CFL2: variants seen among roughly 807,000 people sequenced by gnomAD.
The protein encoded by CFL2 is cofilin-2.
In CFL2, 10 loss-of-function variants were observed where a neutral mutation model predicts 19.6. The observed-to-expected ratio is 0.51, with a 90% CI of 0.31 to 0.86. The LOEUF is 0.86. Among genes scored for constraint, CFL2 ranks in the 40% least tolerant of loss-of-function variants. The pLI is 0.04. For missense variants in CFL2, 125 were observed against 192.1 expected (o/e 0.65, Z 2.06); for synonymous variants, 63 against 66.7 (o/e 0.95, Z 0.27).
In CFL2 at chr14:34,710,368, T is replaced by C. The variant is rs773581827; in HGVS notation, c.*2497A>G. 2 of 246,612 alleles carry C rather than the reference T, an allele frequency of 8.1e-6. No individual in the cohort carries two copies. The highest frequency in any genetic ancestry group is 4.7e-5 in the African/African-American group (2 of 42,784). The allele number at this position is 246,612 out of a possible 1,614,324, so 15.3% of individuals were successfully genotyped here. Reference sequence around the variant, plus strand: ...CTGAAAAACAGAATAAAGATAATGATGCCTCTTTGATCTGAAATACCAGTT... The same window carrying C: ...CTGAAAAACAGAATAAAGATAATGACGCCTCTTTGATCTGAAATACCAGTT... On this transcript the variant is annotated 3_prime_UTR_variant, in exon 4 of 4. Coordinates refer to ENST00000298159, the MANE Select transcript of CFL2 (RefSeq NM_138638.5).
Position 34,713,356 on chromosome 14 carries a change from G to C in CFL2, c.209C>G (p.Ser70Cys). 1 of 1,613,838 alleles carries C rather than the reference G, an allele frequency of 6.2e-7. No individual in the cohort carries two copies. Among genetic ancestry groups the C allele is most frequent in the Non-Finnish European group, 8.5e-7 (1 of 1,179,786 alleles). ...IGDTVEDPYT[S>C]FVKLLPLNDC... is the part of the protein sequence containing the mutation. ...ATTCAGAGGTAGCAACTTCACAAAAGATGTGTAGGGGTCCTCTACAGTATC... is the reference window on the plus strand; with the variant it reads ...ATTCAGAGGTAGCAACTTCACAAAACATGTGTAGGGGTCCTCTACAGTATC... The change falls in exon 2 of 4, where the codon TCT becomes TGT. Residue 70 changes from serine to cysteine, a missense_variant. Ser to Cys is a moderately radical substitution (Grantham distance 112). Coordinates refer to ENST00000298159, the MANE Select transcript of CFL2 (RefSeq NM_138638.5).
rs1291945582 is a variant in CFL2 at position 34,711,922 on chromosome 14, A to G, written c.*943T>C. On this transcript the variant is annotated 3_prime_UTR_variant, in exon 4 of 4. Coordinates refer to ENST00000298159, the MANE Select transcript of CFL2 (RefSeq NM_138638.5). ...GTACAAAAAAAATTCTCAAATGACC[A>G]GTGCAGAGATTAGTAATAGCTGTTT... 1 of 454,026 alleles carries G rather than the reference A, an allele frequency of 2.2e-6. No homozygotes were observed. Among genetic ancestry groups the G allele is most frequent in the Non-Finnish European group, 4.4e-6 (1 of 226,582 alleles). 28.1% of individuals were successfully genotyped at this position (454,026 alleles called of 1,614,324 possible). A position where few individuals can be genotyped will look rare whatever the true frequency, so the allele number is the denominator to read the frequency against.
At position 34,713,485 on chromosome 14, in the gene CFL2, T is replaced by C; in HGVS notation, c.80A>G (p.Glu27Gly). 6.2e-7 allele frequency: 1 copy of C among 1,613,952 alleles called. No homozygotes were observed. Residue 27 changes from glutamate to glycine, a missense_variant, in exon 2 of 4, where the codon GAG becomes GGG. Coordinates refer to ENST00000298159, the MANE Select transcript of CFL2 (RefSeq NM_138638.5). ...DMKVRKSSTQ[E>G]EIKKRKKAVL... is the part of the protein sequence containing the mutation. ...TGCTTTCTTTCTCTTTTTGATCTCC[T>C]CTTGTGTAGAAGATTTCCTTACTTT...
rs1885234184 is a variant in CFL2 at position 34,710,092 on chromosome 14, C to G, written c.*2773G>C. On this transcript the variant is annotated 3_prime_UTR_variant, in exon 4 of 4. Coordinates refer to ENST00000298159, the MANE Select transcript of CFL2 (RefSeq NM_138638.5). Reference sequence around the variant, plus strand: ...GCCAGATTCCATAAATTAGCTGCTACAAATGTTCTGTATCAGAGAAACTCA... The same window carrying G: ...GCCAGATTCCATAAATTAGCTGCTAGAAATGTTCTGTATCAGAGAAACTCA... The G allele has an allele frequency of 6.5e-6, 1 of 152,876 alleles. No individual in the cohort carries two copies. Among genetic ancestry groups the G allele is most frequent in the South Asian group, 2.1e-4 (1 of 4,862 alleles). 9.5% of individuals were successfully genotyped at this position (152,876 alleles called of 1,614,324 possible).
In CFL2 at chr14:34,712,909, A is replaced by C. The variant is rs587780312; in HGVS notation, c.457T>G (p.Leu153Val). 1.2e-6 allele frequency: 2 copies of C among 1,610,434 alleles called. No individual in the cohort carries two copies. The highest frequency in any genetic ancestry group is 1.7e-6 in the Non-Finnish European group (2 of 1,176,728). Residue 153 changes from leucine to valine, a missense_variant, in exon 4 of 4, where the codon TTG becomes GTG. Leu to Val is a conservative substitution (Grantham distance 32). Transcript: ENST00000298159. ...IKDRSTLGEK[L>V]GGNVVVSLEG... is the part of the protein sequence containing the mutation. ...AGTGAAACTACTACATTGCCTCCCA[A>C]TTTCTCTCCAAGTGTCGAACGGTCC... is the stretch of plus-strand genomic sequence containing the variant.
chr14:34,714,371 C>T, intron 1 of CFL2, 167 bp downstream of exon 1: 1 of 1,192,536 alleles, frequency 8.4e-7, no homozygotes, highest in Non-Finnish European at 1.1e-6. Flanking sequence ...AGGGCAGGGC[C>T]TGACGGCCGG....
chr14:34,714,267 C>T (rs956760943), intron 1 of CFL2: 2 of 478,492 alleles, frequency 4.2e-6, no homozygotes, highest in African/African-American at 4.1e-5. Flanking sequence ...GGCTGCAGTC[C>T]GCAGACCCTC....
intron 1 of CFL2, chr14:34,714,067 G>A (rs886960644): frequency 2.5e-6 from 1 of 400,066 alleles, no homozygotes; most frequent in East Asian, 4.8e-5. Flanking sequence ...AAAACTAACT[G>A]ATCGAGTGTA....
In CFL2 at chr14:34,711,232, A is replaced by G. The variant is rs1440417188; in HGVS notation, c.*1633T>C. On this transcript the variant is annotated 3_prime_UTR_variant, in exon 4 of 4. Coordinates refer to ENST00000298159, the MANE Select transcript of CFL2 (RefSeq NM_138638.5). ...GTTTTCTGCTAAAAGCATTCCTCTG[A>G]GCTATGGGGTTAAGTTCTGAGCCAC... 6.6e-6 allele frequency: 3 copies of G among 454,514 alleles called. No homozygotes were observed. Among genetic ancestry groups the G allele is most frequent in the Non-Finnish European group, 1.3e-5 (3 of 226,794 alleles). The allele number at this position is 454,514 out of a possible 1,614,324, so 28.2% of individuals were successfully genotyped here. A position where few individuals can be genotyped will look rare whatever the true frequency, so the allele number is the denominator to read the frequency against.
At chr14:34,713,793 G>A (rs746031094) in intron 1 of CFL2, 13 of 1,604,438 alleles carry the variant, frequency 8.1e-6, no homozygotes, top group Non-Finnish European at 1.0e-5. Context: ...GGAAGCGAAA[G>A]GGACAAATAC....
rs1021730090 is a variant in CFL2, at chr14:34,710,327, A to G, written c.*2538T>C. 1.8e-5 allele frequency: 4 copies of G among 225,538 alleles called. No homozygotes were observed. Among genetic ancestry groups the G allele is most frequent in the Non-Finnish European group, 3.6e-5 (4 of 111,514 alleles). The allele number at this position is 225,538 out of a possible 1,614,324, so 14.0% of individuals were successfully genotyped here. A position where few individuals can be genotyped will look rare whatever the true frequency, so the allele number is the denominator to read the frequency against. The stretch of plus-strand genomic sequence containing the variant: ...AATTGTTATTGATAAATGAGAAAGT[A>G]TTACCAACTAAAATCCTGAAAAACA... On this transcript the variant is annotated 3_prime_UTR_variant, in exon 4 of 4. Transcript: ENST00000298159.
rs1885303300 is a variant in CFL2, at chr14:34,711,779, A to G, written c.*1086T>C. 1 of 446,020 alleles carries G rather than the reference A, an allele frequency of 2.2e-6. No homozygotes were observed. Among genetic ancestry groups the G allele is most frequent in the South Asian group, 1.6e-5 (1 of 61,856 alleles). The allele number at this position is 446,020 out of a possible 1,614,324, so 27.6% of individuals were successfully genotyped here. On this transcript the variant is annotated 3_prime_UTR_variant, in exon 4 of 4. Transcript: ENST00000298159. ...TTAACACATAGGAAATAAATACACT[A>G]ATGTTTATAAAAGTACCATTCTTTA...
rs1217511819 is a variant in CFL2, at chr14:34,711,056, T to C, written c.*1809A>G. Reference sequence around the variant, plus strand: ...CTCAGTGCAAAAAGATCCCAAACCATTCATATAATTTTAAATGGAAGCCTA... The same window carrying C: ...CTCAGTGCAAAAAGATCCCAAACCACTCATATAATTTTAAATGGAAGCCTA... On this transcript the variant is annotated 3_prime_UTR_variant, in exon 4 of 4. Transcript: ENST00000298159. 3 of 453,946 alleles carry C rather than the reference T, an allele frequency of 6.6e-6. No individual in the cohort carries two copies. Among genetic ancestry groups the C allele is most frequent in the African/African-American group, 6.0e-5 (3 of 49,994 alleles). 28.1% of individuals were successfully genotyped at this position (453,946 alleles called of 1,614,324 possible).
In CFL2 at chr14:34,712,204, A is replaced by C. The variant is rs112137090; in HGVS notation, c.*661T>G. The C allele has an allele frequency of 1.2e-4, 55 of 454,542 alleles. No homozygotes were observed. Among genetic ancestry groups the C allele is most frequent in the African/African-American group, 6.8e-4 (34 of 50,128 alleles). 28.2% of individuals were successfully genotyped at this position (454,542 alleles called of 1,614,324 possible). On this transcript the variant is annotated 3_prime_UTR_variant, in exon 4 of 4. Coordinates refer to ENST00000298159, the MANE Select transcript of CFL2 (RefSeq NM_138638.5). ...TACACTTATTCAGTAGTGTACACTC[A>C]ATGGAAAACAAAAAGGCATTAATAA...
rs757075831 is a variant in CFL2, at chr14:34,712,380, T to G, written c.*485A>C. The G allele has an allele frequency of 2.9e-5, 13 of 454,612 alleles. No individual in the cohort carries two copies. The highest frequency in any genetic ancestry group is 2.0e-4 in the South Asian group (13 of 64,486). The allele number at this position is 454,612 out of a possible 1,614,324, so 28.2% of individuals were successfully genotyped here. On this transcript the variant is annotated 3_prime_UTR_variant, in exon 4 of 4. Coordinates refer to ENST00000298159, the MANE Select transcript of CFL2 (RefSeq NM_138638.5). The stretch of plus-strand genomic sequence containing the variant: ...AGTGCTTTTAATGCATAGTGTTATA[T>G]CCGTGCTGCCATATCACTAAAATAG...
chr14:34,712,374 G>GTTA lies in CFL2; in HGVS notation c.*488_*490dup. ...ACAAAAAGTGCTTTTAATGCATAGT[G>GTTA]TTATATCCGTGCTGCCATATCACTA... On this transcript the variant is annotated 3_prime_UTR_variant, in exon 4 of 4. Transcript: ENST00000298159. 2.2e-6 allele frequency: 1 copy of GTTA among 454,658 alleles called. No homozygotes were observed. The highest frequency in any genetic ancestry group is 4.4e-6 in the Non-Finnish European group (1 of 226,898). The allele number at this position is 454,658 out of a possible 1,614,324, so 28.2% of individuals were successfully genotyped here.
At position 34,712,867 on chromosome 14, in the gene CFL2, A is replaced by G. The variant is rs1440321059; in HGVS notation, c.499T>C (p.Ter167GlnextTer10). 6.7e-7 allele frequency: 1 copy of G among 1,494,266 alleles called. No homozygotes were observed. The highest frequency in any genetic ancestry group is 1.7e-5 in the Admixed American group (1 of 59,886). The allele number at this position is 1,494,266 out of a possible 1,614,324, so 92.6% of individuals were successfully genotyped here. A position where few individuals can be genotyped will look rare whatever the true frequency, so the allele number is the denominator to read the frequency against. ...CCAGATGGCACTTGACTGTCATTTTATAATGGTTTTCCTTCAAGTGAAACT... is the reference window on the plus strand; with the variant it reads ...CCAGATGGCACTTGACTGTCATTTTGTAATGGTTTTCCTTCAAGTGAAACT... The part of the protein sequence containing the change: ...VVVSLEGKPL[*>Q] Residue 167 changes from the stop codon to glutamine, a stop_lost, in exon 4 of 4, where the codon TAA becomes CAA. Transcript: ENST00000298159.
At chr14:34,713,918 T>C (rs956991627) in intron 1 of CFL2, 1 of 1,114,610 alleles carries the variant, frequency 9.0e-7, no homozygotes, top group African/African-American at 1.6e-5. Flanking sequence ...AAAAAAACAC[T>C]TTTGGATTTC....
In CFL2 at chr14:34,710,400, C is replaced by T. The variant is rs1262483113; in HGVS notation, c.*2465G>A. The T allele has an allele frequency of 6.4e-6, 2 of 311,344 alleles. No individual in the cohort carries two copies. The highest frequency in any genetic ancestry group is 5.3e-5 in the South Asian group (2 of 37,524). The allele number at this position is 311,344 out of a possible 1,614,324, so 19.3% of individuals were successfully genotyped here. ...TTGATCTGAAATACCAGTTTTTAAA[C>T]TTTTAATGTTCTGAAGTATAAGTAA... On this transcript the variant is annotated 3_prime_UTR_variant, in exon 4 of 4. Coordinates refer to ENST00000298159, the MANE Select transcript of CFL2 (RefSeq NM_138638.5).
Sources: allele counts gnomAD v4.1 joint callset, GRCh38; gene constraint gnomAD v4.1.1; transcripts MANE v1.5; gene names NCBI Gene and HGNC (gene_info 2026-07-23, HGNC 2026-07-21).